TMBIM6: variants seen among roughly 807,000 people sequenced by gnomAD.
The protein encoded by TMBIM6 is bax inhibitor 1.
A neutral mutation model predicts 31.4 loss-of-function variants in TMBIM6; 13 were observed. The observed-to-expected ratio is 0.41, with a 90% CI of 0.27 to 0.66. The LOEUF is 0.66. TMBIM6 is among the 30% of genes least tolerant of loss of function. The pLI is 0.28. For synonymous variants in TMBIM6, 85 were observed against 101.7 expected (o/e 0.84, Z 0.99); for missense variants, 275 against 289.5 (o/e 0.95, Z 0.36).
intron 1 of TMBIM6, among the ~76,000 whole-genome samples, chr12:49,748,353 T>A (rs1435943626): frequency 2.0e-5 from 3 of 152,150 alleles, no homozygotes; most frequent in African/African-American, 7.2e-5. Flanking sequence ...AATGCCTGTC[T>A]CCTCCTACCA....
rs1192564273 is a variant in TMBIM6 at position 49,753,068 on chromosome 12, C to A, written c.152C>A (p.Thr51Asn). The A allele has an allele frequency of 6.2e-7, 1 of 1,613,576 alleles. No homozygotes were observed. The highest frequency in any genetic ancestry group is 1.7e-5 in the Admixed American group (1 of 59,888). The change falls in exon 3 of 10, where the codon ACT becomes AAT. Residue 51 changes from threonine to asparagine, a missense_variant. Coordinates refer to ENST00000267115, the MANE Select transcript of TMBIM6 (RefSeq NM_003217.3). ...GCAGGGGCCTATGTCCATATGGTCA[C>A]TCATTTCATTCAGGTAAGAACGATT... ...AAAGAYVHMV[T>N]HFIQAGLLSA...
At chr12:49,758,917 G>C in intron 7 of TMBIM6, 155 bp downstream of exon 7, 1 of 714,706 alleles carries the variant, frequency 1.4e-6, no homozygotes, top group Non-Finnish European at 2.3e-6. Flanking sequence ...TGCCACAAGT[G>C]AAAACAGGCT....
chr12:49,757,290 G>C (rs776454959), intron 4 of TMBIM6, among the ~76,000 whole-genome samples: 2 of 152,216 alleles, frequency 1.3e-5, no homozygotes, highest in Non-Finnish European at 1.5e-5. Context: ...GTACTTGAAT[G>C]AATGAGGTTC....
chr12:49,745,222 C>T (rs1476720382), intron 1 of TMBIM6, among the ~76,000 whole-genome samples: 9 of 152,162 alleles, frequency 5.9e-5, no homozygotes, highest in Non-Finnish European at 1.2e-4. Flanking sequence ...TTTACTTCAT[C>T]AAATCCTTTA....
chr12:49,742,074 T>TCGGGCTGACCCTGGGTGAG, intron 1 of TMBIM6: 2 of 1,569,502 alleles, frequency 1.3e-6, no homozygotes, highest in Non-Finnish European at 1.7e-6. Flanking sequence ...GGTCCTTTGG[T>TCGGGCTGACCCTGGGTGAG]CGGGCTGACC....
intron 4 of TMBIM6, 82 bp downstream of exon 4, chr12:49,755,837 C>CTTTTTTTTTTT (rs369987981): frequency 1.1e-6 from 1 of 950,784 alleles, no homozygotes; most frequent in African/African-American, 1.8e-5. Context: ...CTTTTTTTTT[C>CTTTTTTTTTTT]TTTTTTTTTT....
intron 1 of TMBIM6, chr12:49,741,867 A>G (rs1392938100): frequency 8.4e-6 from 4 of 478,652 alleles, no homozygotes; most frequent in Non-Finnish European, 1.5e-5. Flanking sequence ...GGGGGTGTCG[A>G]GGCCTCTATT....
chr12:49,748,858 T>C (rs901286190), intron 1 of TMBIM6, among the ~76,000 whole-genome samples: 2 of 152,214 alleles, frequency 1.3e-5, no homozygotes, highest in Non-Finnish European at 2.9e-5. Flanking sequence ...CTTTTTTTCT[T>C]TATTGTGGTA....
At position 49,764,389 on chromosome 12, in the gene TMBIM6, A is replaced by G. The variant is rs1179117097; in HGVS notation, c.*1493A>G. 6.6e-6 allele frequency: 1 copy of G among 152,188 alleles called. No homozygotes were observed. The highest frequency in any genetic ancestry group is 2.4e-5 in the African/African-American group (1 of 41,438). 9.4% of individuals were successfully genotyped at this position (152,188 alleles called of 1,614,324 possible). On this transcript the variant is annotated 3_prime_UTR_variant, in exon 10 of 10. Coordinates refer to ENST00000267115, the MANE Select transcript of TMBIM6 (RefSeq NM_003217.3). ...CACAGTGGCCTCAGGTTCACAGTGC[A>G]CCATGTCACTGTGCTATCCTACGAA...
At chr12:49,741,984 T>G in intron 1 of TMBIM6, 2 of 1,165,338 alleles carry the variant, frequency 1.7e-6, no homozygotes, top group Non-Finnish European at 2.4e-6. Flanking sequence ...CTAGCTTCGA[T>G]CGTTCGAATT....
At chr12:49,761,819 T>G in intron 9 of TMBIM6, 40 bp downstream of exon 9, 1 of 1,597,996 alleles carries the variant, frequency 6.3e-7, no homozygotes, top group South Asian at 1.1e-5. Context: ...CAATAATGGC[T>G]CCTGAGCTTG....
chr12:49,761,539 A>G (rs1166899421), intron 8 of TMBIM6, among the ~76,000 whole-genome samples, 165 bp from the exon 9 acceptor site: 8 of 150,902 alleles, frequency 5.3e-5, no homozygotes, highest in Admixed American at 4.6e-4. Flanking sequence ...GACTTCGATG[A>G]GTCTAAAGGA....
intron 1 of TMBIM6, 198 bp downstream of exon 1, chr12:49,741,809 A>T (rs1199265856): frequency 2.9e-6 from 1 of 340,834 alleles, no homozygotes; most frequent in Non-Finnish European, 5.5e-6. Context: ...CGCGTGCGCA[A>T]CAGTGCTGAA....
intron 1 of TMBIM6, chr12:49,742,342 G>T (rs1945312654): frequency 6.6e-7 from 1 of 1,508,634 alleles, no homozygotes. Flanking sequence ...AGTCTGCTCA[G>T]CAAGGGCGTC....
At chr12:49,757,592 T>C (rs1453862136) in intron 4 of TMBIM6, among the ~76,000 whole-genome samples, 1 of 152,202 alleles carries the variant, frequency 6.6e-6, no homozygotes, top group Admixed American at 6.5e-5. Context: ...TTGTTCTGAG[T>C]GACAGTCTAA....
At chr12:49,761,296 T>G (rs1484358955) in intron 8 of TMBIM6, among the ~76,000 whole-genome samples, 1 of 151,986 alleles carries the variant, frequency 6.6e-6, no homozygotes, top group Non-Finnish European at 1.5e-5. Flanking sequence ...TACTGTAGAC[T>G]CAAGCTCCCT....
chr12:49,758,615 T>A (rs1351920966), intron 6 of TMBIM6, 68 bp from the exon 7 acceptor site: 5 of 1,579,422 alleles, frequency 3.2e-6, no homozygotes, highest in Non-Finnish European at 4.3e-6. Context: ...AGTTAAGGAA[T>A]GGCTTTAATG....
intron 2 of TMBIM6, 80 bp from the exon 3 acceptor site, chr12:49,752,893 G>T: frequency 7.6e-7 from 1 of 1,309,330 alleles, no homozygotes; most frequent in Non-Finnish European, 1.1e-6. Flanking sequence ...CCCAGGAAGG[G>T]AAAGAGAGAA....
chr12:49,747,722 T>G (rs1366590576), intron 1 of TMBIM6, among the ~76,000 whole-genome samples: 1 of 152,228 alleles, frequency 6.6e-6, no homozygotes, highest in Non-Finnish European at 1.5e-5. Context: ...TTTGACTTGC[T>G]GTTTTAATGT....
Sources: allele counts gnomAD v4.1 joint callset (sites outside exome capture counted in the v4.1 genomes callset), GRCh38; gene constraint gnomAD v4.1.1; transcripts MANE v1.5; gene names NCBI Gene and HGNC (gene_info 2026-07-23, HGNC 2026-07-21).